SYNJ2: variants seen among roughly 807,000 people sequenced by gnomAD.
SYNJ2 encodes the protein synaptojanin 2, also known as polyphosphatidylinositol phosphatase SYNJ2.
In SYNJ2, 116 loss-of-function variants were observed where a neutral mutation model predicts 141.3. That is an observed-to-expected ratio of 0.82 (90% CI 0.71 to 0.96). The LOEUF is 0.96. SYNJ2 is among the 40% of genes least tolerant of loss of function. The probability of loss-of-function intolerance (pLI) is 0.00; values close to 1 mark genes in which losing one functional copy is unlikely to be tolerated. For synonymous variants in SYNJ2, 745 were observed against 777.7 expected (o/e 0.96, Z 0.70); for missense variants, 1,873 against 1,934.8 (o/e 0.97, Z 0.60).
Position 158,099,093 on chromosome 6 carries a change from A to G in SYNJ2, c.*2729A>G, listed in dbSNP as rs1023871771. On this transcript the variant is annotated 3_prime_UTR_variant, in exon 27 of 27. Coordinates refer to ENST00000355585, the MANE Select transcript of SYNJ2 (RefSeq NM_003898.4). ...AAGATTATTGGGGGACTAGTGATTA[A>G]TAAAATCCTGTAATATTTTTGAAGT... is the stretch of plus-strand genomic sequence containing the variant. 6.6e-6 allele frequency: 1 copy of G among 152,208 alleles called. No individual in the cohort carries two copies. Among genetic ancestry groups the G allele is most frequent in the African/African-American group, 2.4e-5 (1 of 41,428 alleles). 9.4% of individuals were successfully genotyped at this position (152,208 alleles called of 1,614,324 possible).
chr6:158,023,499 C>T, intron 2 of SYNJ2, among the ~76,000 whole-genome samples: 1 of 152,084 alleles, frequency 6.6e-6, no homozygotes, highest in East Asian at 1.9e-4. Context: ...TGTGGTTACA[C>T]CCGTCCCACC....
intron 6 of SYNJ2, among the ~76,000 whole-genome samples, chr6:158,055,503 A>ATGTGTG (rs61172281): frequency 0.044 from 6,541 of 147,806 alleles, 303 homozygotes; most frequent in African/African-American, 0.11. Context: ...TTGGCATTTT[A>ATGTGTG]TGTGTGTGTG....
At chr6:158,036,214 A>T (rs1013485349) in intron 4 of SYNJ2, among the ~76,000 whole-genome samples, 6 of 152,250 alleles carry the variant, frequency 3.9e-5, no homozygotes, top group Non-Finnish European at 7.3e-5. Context: ...ATTGTTAAAA[A>T]GTCGAAAAAT....
At position 158,095,915 on chromosome 6, in the gene SYNJ2, G is replaced by A. The variant is rs775034493; in HGVS notation, c.4042G>A (p.Val1348Ile). ...KSAPAAFHLQVLQSNSQLLQG... is the reference protein window; with the variant it reads ...KSAPAAFHLQILQSNSQLLQG... ...AGCCCCCGCAGCCTTCCACCTGCAG[G>A]TCCTGCAGAGCAACAGCCAGCTTCT... Residue 1348 changes from valine (V) to isoleucine (I), a missense_variant, in exon 27 of 27, where the codon GTC becomes ATC. Val to Ile is a conservative substitution (Grantham distance 29, BLOSUM62 3). Coordinates refer to ENST00000355585, the MANE Select transcript of SYNJ2 (RefSeq NM_003898.4). 1 of 1,614,058 alleles carries A rather than the reference G, an allele frequency of 6.2e-7. No individual in the cohort carries two copies. The highest frequency in any genetic ancestry group is 1.1e-5 in the South Asian group (1 of 91,082).
chr6:158,093,064 T>C lies in SYNJ2; in HGVS notation c.3704T>C (p.Val1235Ala). 1 of 1,599,420 alleles carries C rather than the reference T, an allele frequency of 6.3e-7. No individual in the cohort carries two copies. Among genetic ancestry groups the C allele is most frequent in the Non-Finnish European group, 8.5e-7 (1 of 1,175,072 alleles). ...CTTCCCCGTCGGCCCCCACCCAGAG[T>C]TCCTGCCATCAAGAAGCCAACCTTG... is the stretch of plus-strand genomic sequence containing the variant. The part of the protein sequence containing the change: ...PLLPRRPPPR[V>A]PAIKKPTLRR... Residue 1235 changes from valine (V) to alanine (A), a missense_variant, in exon 26 of 27, where the codon GTT (valine) becomes GCT (alanine). Transcript: ENST00000355585.
intron 5 of SYNJ2, among the ~76,000 whole-genome samples, chr6:158,047,062 G>A (rs775551978): frequency 8.5e-5 from 13 of 152,204 alleles, no homozygotes; most frequent in African/African-American, 1.7e-4. Flanking sequence ...TTGTGGAGTC[G>A]TGGCGCTGGA....
chr6:158,021,951 G>C (rs1385770488), intron 2 of SYNJ2, among the ~76,000 whole-genome samples: 6 of 152,208 alleles, frequency 3.9e-5, no homozygotes, highest in Admixed American at 2.0e-4. Context: ...CAGGTTCCCA[G>C]CGTGGAGCTG....
intron 1 of SYNJ2, 129 bp from the exon 2 acceptor site, chr6:158,017,075 G>A: frequency 7.2e-7 from 1 of 1,394,570 alleles, no homozygotes; most frequent in South Asian, 1.7e-5. Context: ...GGTGTTTGTG[G>A]GCCGAGCTAT....
At chr6:158,059,548 T>G in intron 7 of SYNJ2, 195 bp downstream of exon 7, 1 of 1,334,554 alleles carries the variant, frequency 7.5e-7, no homozygotes, top group South Asian at 1.7e-5. Context: ...GTGAGTGTAA[T>G]TTCTTTTCTT....
intron 25 of SYNJ2, among the ~76,000 whole-genome samples, 171 bp downstream of exon 25, chr6:158,090,118 C>T (rs1783342325): frequency 6.6e-6 from 1 of 152,076 alleles, no homozygotes; most frequent in African/African-American, 2.4e-5. Flanking sequence ...ATTGATTGTC[C>T]ATTTAAAATT....
chr6:158,099,166 CTT>C lies in SYNJ2; in HGVS notation c.*2808_*2809del, dbSNP rs1232629354. On this transcript the variant is annotated 3_prime_UTR_variant, in exon 27 of 27. Transcript: ENST00000355585. ...CATGATACCTATTAAATGTTTTTGT[CTT>C]TTTTTAAATTGGGTTTATTTCTTTT... 1 of 151,964 alleles carries C rather than the reference CTT, an allele frequency of 6.6e-6. No individual in the cohort carries two copies. 9.4% of individuals were successfully genotyped at this position (151,964 alleles called of 1,614,324 possible). A position where few individuals can be genotyped will look rare whatever the true frequency, so the allele number is the denominator to read the frequency against.
rs929768563 is a variant in SYNJ2 at position 158,069,393 on chromosome 6, G to C, written c.1800-140G>C. The stretch of plus-strand genomic sequence containing the variant: ...CAGATCCTCCAGTAGAAGAAGGAAA[G>C]CATGACACTAATATTGGGGTGCGGG... On this transcript the variant is annotated intron_variant, in intron 13 of 26. Transcript: ENST00000355585. 13 of 1,080,522 alleles carry C rather than the reference G, an allele frequency of 1.2e-5. No individual in the cohort carries two copies. The Admixed American group carries it at 3.4e-4, about 28-fold the overall frequency. The allele number at this position is 1,080,522 out of a possible 1,614,324, so 66.9% of individuals were successfully genotyped here.
chr6:158,063,657 CTCAAAAA>C, intron 8 of SYNJ2, 127 bp from the exon 9 acceptor site: 1 of 405,184 alleles, frequency 2.5e-6, no homozygotes, highest in Non-Finnish European at 3.9e-6. Context: ...GAGACTCTGT[CTCAAAAA>C]AAAAAAAAAA....
chr6:158,041,478 C>G (rs1352248691), intron 4 of SYNJ2, among the ~76,000 whole-genome samples: 1 of 152,198 alleles, frequency 6.6e-6, no homozygotes, highest in Non-Finnish European at 1.5e-5. Context: ...TCACCTACTT[C>G]CCCTGTGGAG....
At chr6:157,990,616 C>T (rs1018878875) in intron 1 of SYNJ2, among the ~76,000 whole-genome samples, 1 of 152,174 alleles carries the variant, frequency 6.6e-6, no homozygotes, top group African/African-American at 2.4e-5. Flanking sequence ...TGCTCAGACC[C>T]AGCGGAGGAC....
chr6:158,015,012 A>G (rs1178812187), intron 1 of SYNJ2, among the ~76,000 whole-genome samples: 1 of 152,212 alleles, frequency 6.6e-6, no homozygotes, highest in African/African-American at 2.4e-5. Flanking sequence ...GTGTCCTGGA[A>G]AACATGGCAT....
chr6:158,025,204 G>A (rs1466277739), intron 2 of SYNJ2, among the ~76,000 whole-genome samples: 1 of 152,178 alleles, frequency 6.6e-6, no homozygotes. Flanking sequence ...TGGGAGAGGT[G>A]CAGGAGATCT....
In SYNJ2 at chr6:158,004,107, G is replaced by A. The variant is rs975818588; in HGVS notation, c.128-13097G>A. Among the ~76,000 whole-genome samples the A allele has an allele frequency of 2.6e-5, 4 of 152,146 alleles. No homozygotes were observed. In the East Asian group the frequency reaches 5.8e-4, roughly 22 times the overall value. On this transcript the variant is annotated intron_variant, in intron 1 of 26. Coordinates refer to ENST00000355585, the MANE Select transcript of SYNJ2 (RefSeq NM_003898.4). The stretch of plus-strand genomic sequence containing the variant: ...CAACCCACGATCAAATTACCTTGCC[G>A]AAAGGGAACCAGCTCAGTTAACCCT...
At chr6:158,090,992 C>A (rs1450393604) in intron 25 of SYNJ2, among the ~76,000 whole-genome samples, 1 of 152,124 alleles carries the variant, frequency 6.6e-6, no homozygotes, top group Non-Finnish European at 1.5e-5. Flanking sequence ...GATACTGCTA[C>A]AAATGCTTTC....
Sources: gnomAD v4.1 joint callset for allele counts (sites outside exome capture counted in the v4.1 genomes callset) on GRCh38, gnomAD v4.1.1 for gene constraint, MANE v1.5 for transcripts, NCBI Gene and HGNC (gene_info 2026-07-23, HGNC 2026-07-21) for gene names.